The following PLSCR4 variants were observed in gnomAD, a reference collection of about 807,000 sequenced individuals.
PLSCR4 encodes phospholipid scramblase 4, also known as Ca(2+)-dependent phospholipid scramblase 4.
A neutral mutation model predicts 36.3 loss-of-function variants in PLSCR4; 25 were observed. The ratio of observed to expected loss-of-function variants is 0.69; its 90% CI spans 0.50 to 0.96. The LOEUF (loss-of-function observed/expected upper bound fraction) is 0.96, where lower values mean the gene tolerates loss of function less well. Ranked by LOEUF, PLSCR4 falls within the 40% of genes least tolerant of loss-of-function variation. PLSCR4 has a pLI of 0.00. For missense variants in PLSCR4, 408 were observed against 414.7 expected, an observed-to-expected ratio of 0.98 and a Z score of 0.14; for synonymous variants, 122 against 132.9, an observed-to-expected ratio of 0.92 and a Z score of 0.56.
chr3:146,230,065 C>T (rs2035645334), intron 1 of PLSCR4, among the ~76,000 whole-genome samples: 1 of 152,040 alleles, frequency 6.6e-6, no homozygotes. Context: ...GTGTGAGTGG[C>T]CTGGAAATCC....
chr3:146,222,942 G>A (rs967753501), intron 1 of PLSCR4, among the ~76,000 whole-genome samples: 23 of 152,032 alleles, frequency 1.5e-4, no homozygotes, highest in African/African-American at 5.3e-4. Flanking sequence ...TCCAGGAGTC[G>A]CTGATGGACT....
At chr3:146,200,918 GT>G (rs970610258) in intron 5 of PLSCR4, 116 bp downstream of exon 5, 54 of 649,642 alleles carry the variant, frequency 8.3e-5, no homozygotes, top group African/African-American at 1.9e-4. Context: ...TAATAGAGCA[GT>G]TTTTTTTTCT....
intron 1 of PLSCR4, among the ~76,000 whole-genome samples, chr3:146,225,658 C>T (rs534422714): frequency 8.5e-5 from 13 of 152,360 alleles, no homozygotes; most frequent in African/African-American, 2.2e-4. Flanking sequence ...CTACACCCTC[C>T]GCAGCCACTG....
At chr3:146,200,460 C>T (rs2033984181) in intron 5 of PLSCR4, among the ~76,000 whole-genome samples, 1 of 152,050 alleles carries the variant, frequency 6.6e-6, no homozygotes, top group African/African-American at 2.4e-5. Flanking sequence ...CAAGAAAAGT[C>T]AAAGGCCCTA....
At chr3:146,223,626 T>A (rs1025371025) in intron 1 of PLSCR4, 1 of 151,932 alleles carries the variant, frequency 6.6e-6, no homozygotes, top group Non-Finnish European at 1.5e-5. Flanking sequence ...CTGAGCTGAC[T>A]CAATGAAAAC....
chr3:146,200,931 T>A, intron 5 of PLSCR4, 104 bp downstream of exon 5: 1 of 715,386 alleles, frequency 1.4e-6, no homozygotes, highest in Non-Finnish European at 2.4e-6. Context: ...TTTTTTTCTT[T>A]GAGCCACTAA....
intron 1 of PLSCR4, 78 bp from the exon 2 acceptor site, chr3:146,222,170 ATT>A: frequency 2.0e-6 from 1 of 488,842 alleles, no homozygotes; most frequent in South Asian, 4.5e-5. Flanking sequence ...ACAGGTAAGG[ATT>A]TCTGTAATTT....
intron 1 of PLSCR4, among the ~76,000 whole-genome samples, chr3:146,232,732 G>A (rs1475653495): frequency 6.6e-6 from 1 of 152,124 alleles, no homozygotes; most frequent in African/African-American, 2.4e-5. Flanking sequence ...AGTTCTAGGA[G>A]CCTTTGGGCA....
intron 3 of PLSCR4, among the ~76,000 whole-genome samples, chr3:146,213,618 C>T (rs555552990): frequency 3.9e-4 from 59 of 152,200 alleles, no homozygotes; most frequent in African/African-American, 1.2e-3. Context: ...CCACAGCACC[C>T]GGCCAAATTC....
chr3:146,250,345 T>C (rs1576507556), intron 1 of PLSCR4, among the ~76,000 whole-genome samples: 1 of 152,104 alleles, frequency 6.6e-6, no homozygotes, highest in East Asian at 1.9e-4. Flanking sequence ...AAATGCAGTA[T>C]AAAATTAAAA....
At position 146,238,791 on chromosome 3, in the gene PLSCR4, G is replaced by C. The variant is rs146515050; in HGVS notation, c.-22+12169C>G. ...AACATTGTACTGGATGTTCTACCCA[G>C]AGTGATTAGGTTAGAAAAAAGAAAT... On this transcript the variant is annotated intron_variant, in intron 1 of 8. Coordinates refer to ENST00000354952, the MANE Select transcript of PLSCR4 (RefSeq NM_020353.3). 0.01 allele frequency among the ~76,000 whole-genome samples: 1,568 copies of C among 152,098 alleles called. 56 individuals carry two copies. The East Asian group carries it at 0.12, about 12-fold the overall frequency.
chr3:146,211,698 A>G (rs1278500056), intron 3 of PLSCR4, among the ~76,000 whole-genome samples: 4 of 152,134 alleles, frequency 2.6e-5, no homozygotes, highest in Admixed American at 6.6e-5. Context: ...AGGTCTTTCA[A>G]ACACATAGAT....
At chr3:146,206,809 T>C in intron 3 of PLSCR4, 48 bp from the exon 4 acceptor site, 1 of 1,161,090 alleles carries the variant, frequency 8.6e-7, no homozygotes, top group Non-Finnish European at 1.2e-6. Context: ...ACACTAAAGT[T>C]AGCATAACTT....
intron 3 of PLSCR4, among the ~76,000 whole-genome samples, chr3:146,207,273 G>A (rs566149551): frequency 1.9e-4 from 29 of 152,154 alleles, no homozygotes; most frequent in African/African-American, 4.6e-4. Flanking sequence ...TGACCCAATC[G>A]CTTGTACATA....
At chr3:146,227,130 G>A (rs1340608553) in intron 1 of PLSCR4, among the ~76,000 whole-genome samples, 2 of 152,170 alleles carry the variant, frequency 1.3e-5, no homozygotes, top group Non-Finnish European at 2.9e-5. Flanking sequence ...CTTAGCAACA[G>A]CAAAAAGTGC....
chr3:146,221,992 C>T (rs1479572427), intron 2 of PLSCR4, 73 bp downstream of exon 2: 2 of 808,866 alleles, frequency 2.5e-6, no homozygotes, highest in East Asian at 3.1e-5. Context: ...AATAAAGTCC[C>T]CCTTTAGGGA....
Position 146,206,706 on chromosome 3 carries a change from C to A in PLSCR4, c.174G>T (p.Met58Ile). 1 of 1,610,742 alleles carries A rather than the reference C, an allele frequency of 6.2e-7. No individual in the cohort carries two copies. The highest frequency in any genetic ancestry group is 8.5e-7 in the Non-Finnish European group (1 of 1,178,224). The change falls in exon 4 of 9, where the codon ATG becomes ATT. Residue 58 changes from methionine to isoleucine, a missense_variant. Met to Ile is a conservative substitution (Grantham distance 10). Transcript: ENST00000354952. ...PPTGYPGGLP[M>I]GYYSPQQPST... Reference sequence around the variant, plus strand: ...TGGGTTGCTGTGGACTGTAGTATCCCATAGGCAAGCCTCCTGGGTAGCCAG... The same window carrying A: ...TGGGTTGCTGTGGACTGTAGTATCCAATAGGCAAGCCTCCTGGGTAGCCAG...
chr3:146,224,382 T>C (rs1338363201), intron 1 of PLSCR4, among the ~76,000 whole-genome samples: 1 of 152,212 alleles, frequency 6.6e-6, no homozygotes, highest in East Asian at 1.9e-4. Context: ...TGTAGTATTG[T>C]GTCCAGAATT....
chr3:146,206,629 T>G lies in PLSCR4; in HGVS notation c.251A>C (p.Gln84Pro), dbSNP rs1420245856. Reference sequence around the variant, plus strand: ...ATTTGGCATAGGATATTTGCCAGGCTGATACCGGACAGGATGGATACCACC... The same window carrying G: ...ATTTGGCATAGGATATTTGCCAGGCGGATACCGGACAGGATGGATACCACC... Reference protein sequence around the residue: ...PVGGIHPVRYQPGKYPMPNQS... With the variant: ...PVGGIHPVRYPPGKYPMPNQS... The change falls in exon 4 of 9, where the codon CAG becomes CCG. Residue 84 changes from glutamine to proline, a missense_variant. By Grantham distance (76) the Gln-to-Pro change is moderately conservative. Transcript: ENST00000354952. 6.2e-7 allele frequency: 1 copy of G among 1,613,466 alleles called. No homozygotes were observed. The highest frequency in any genetic ancestry group is 8.5e-7 in the Non-Finnish European group (1 of 1,179,730).
Sources: allele counts gnomAD v4.1 joint callset (sites outside exome capture counted in the v4.1 genomes callset), GRCh38; gene constraint gnomAD v4.1.1; transcripts MANE v1.5; gene names NCBI Gene and HGNC (gene_info 2026-07-23, HGNC 2026-07-21).